PPP1R12B: variants seen among roughly 807,000 people sequenced by gnomAD.
PPP1R12B encodes the protein myosin phosphatase target subunit 2.
PPP1R12B carries 76 observed loss-of-function variants against 126.1 expected under a neutral mutation model. That is an observed-to-expected ratio of 0.60 (90% CI 0.50 to 0.73). The LOEUF is 0.73. Ranked by LOEUF, PPP1R12B falls within the 30% of genes least tolerant of loss-of-function variation. PPP1R12B has a pLI of 0.00. For missense variants in PPP1R12B, 1,052 were observed against 1,205.1 expected (o/e 0.87, Z 1.88); for synonymous variants, 356 against 434.7 (o/e 0.82, Z 2.25).
intron 20 of PPP1R12B, among the ~76,000 whole-genome samples, chr1:202,563,568 C>G (rs2149014897): frequency 7.2e-6 from 1 of 138,962 alleles, no homozygotes; most frequent in East Asian, 2.1e-4. Context: ...TTATTTTTAA[C>G]AAACATGTGC....
At chr1:202,411,278 A>G (rs1667348723) in intron 1 of PPP1R12B, among the ~76,000 whole-genome samples, 1 of 151,808 alleles carries the variant, frequency 6.6e-6, no homozygotes, top group South Asian at 2.1e-4. Context: ...GGCAAAAAAA[A>G]AAAAAAAAAA....
At position 202,588,889 on chromosome 1, in the gene PPP1R12B, T is replaced by C. The variant is rs1433459489; in HGVS notation, c.*8329T>C. On this transcript the variant is annotated 3_prime_UTR_variant, in exon 24 of 24. Transcript: ENST00000608999. Reference sequence around the variant, plus strand: ...TAGATAGATATCAAGGTTCCAAGCTTCAAGTAACCAAGAGTATATACGGTT... The same window carrying C: ...TAGATAGATATCAAGGTTCCAAGCTCCAAGTAACCAAGAGTATATACGGTT... 3 of 146,346 alleles carry C rather than the reference T, an allele frequency of 2.0e-5. No homozygotes were observed. Among genetic ancestry groups the C allele is most frequent in the Admixed American group, 6.8e-5 (1 of 14,692 alleles). The allele number at this position is 146,346 out of a possible 1,614,324, so 9.1% of individuals were successfully genotyped here. A position where few individuals can be genotyped will look rare whatever the true frequency, so the allele number is the denominator to read the frequency against.
At chr1:202,564,323 T>TC (rs1357699920) in intron 20 of PPP1R12B, 120 bp from the exon 21 acceptor site, 9 of 634,118 alleles carry the variant, frequency 1.4e-5, no homozygotes, top group Non-Finnish European at 2.1e-5. Context: ...TACCCTTCCT[T>TC]CATTTTCTCT....
At chr1:202,463,924 G>A (rs575292347) in intron 13 of PPP1R12B, among the ~76,000 whole-genome samples, 60 of 152,056 alleles carry the variant, frequency 3.9e-4, no homozygotes, top group African/African-American at 1.1e-3. Context: ...TGGTAATTGC[G>A]TCACTTTACT....
At chr1:202,422,801 A>T in intron 3 of PPP1R12B, 63 bp downstream of exon 3, 1 of 1,606,494 alleles carries the variant, frequency 6.2e-7, no homozygotes. Context: ...ACAGAAAATA[A>T]TCCATTTGCT....
chr1:202,524,112 A>G (rs1331383139), intron 18 of PPP1R12B, among the ~76,000 whole-genome samples: 2 of 152,236 alleles, frequency 1.3e-5, no homozygotes, highest in Non-Finnish European at 2.9e-5. Flanking sequence ...AATCCAGGCA[A>G]GAAATGATGA....
chr1:202,540,887 C>T (rs546104053), intron 18 of PPP1R12B, among the ~76,000 whole-genome samples: 1 of 152,302 alleles, frequency 6.6e-6, no homozygotes, highest in East Asian at 1.9e-4. Flanking sequence ...CATTGACAAC[C>T]AGCTGTATGG....
intron 13 of PPP1R12B, among the ~76,000 whole-genome samples, chr1:202,463,998 T>C (rs2148765693): frequency 6.6e-6 from 1 of 152,342 alleles, no homozygotes; most frequent in East Asian, 1.9e-4. Flanking sequence ...CCTTTGTCCA[T>C]GCGTGACCTT....
At chr1:202,430,904 T>G (rs1337754513) in intron 7 of PPP1R12B, 94 bp downstream of exon 7, 1 of 1,500,430 alleles carries the variant, frequency 6.7e-7, no homozygotes, top group East Asian at 2.4e-5. Context: ...AACTCTGTGT[T>G]TGTATTTAGC....
In PPP1R12B at chr1:202,422,723, C is replaced by G. The variant is rs890890926; in HGVS notation, c.526C>G (p.Gln176Glu). Reference sequence around the variant, plus strand: ...AGCCATGAAGGATCTTCTTCTGGAGCAAGTAAAGAAGCAAGGTAACCTCAT... The same window carrying G: ...AGCCATGAAGGATCTTCTTCTGGAGGAAGTAAAGAAGCAAGGTAACCTCAT... ...EPAMKDLLLE[Q>E]VKKQGVDLEQ... The change falls in exon 3 of 24, where the codon CAA (glutamine) becomes GAA (glutamate). Residue 176 changes from glutamine to glutamate, a missense_variant. Gln to Glu is a conservative substitution (Grantham distance 29). Transcript: ENST00000608999. 1 of 1,613,522 alleles carries G rather than the reference C, an allele frequency of 6.2e-7. No individual in the cohort carries two copies. The highest frequency in any genetic ancestry group is 8.5e-7 in the Non-Finnish European group (1 of 1,179,752).
At chr1:202,534,954 A>G (rs1227080433) in intron 18 of PPP1R12B, among the ~76,000 whole-genome samples, 1 of 152,202 alleles carries the variant, frequency 6.6e-6, no homozygotes. Flanking sequence ...TATTTTATAA[A>G]TGCACATGCA....
chr1:202,400,727 T>G (rs1665691564), intron 1 of PPP1R12B, among the ~76,000 whole-genome samples: 1 of 152,210 alleles, frequency 6.6e-6, no homozygotes, highest in African/African-American at 2.4e-5. Context: ...TATAAAGATA[T>G]GTAATCTTCA....
At position 202,564,519 on chromosome 1, in the gene PPP1R12B, T is replaced by C. The variant is rs1489312495; in HGVS notation, c.2729T>C (p.Ile910Thr). The C allele has an allele frequency of 3.1e-6, 5 of 1,612,086 alleles. No individual in the cohort carries two copies. The African/African-American group carries it at 5.3e-5, about 17-fold the overall frequency. Residue 910 changes from isoleucine to threonine, a missense_variant, in exon 21 of 24, where the codon ATA becomes ACA. Physicochemically the swap from Ile to Thr is moderately conservative, Grantham distance 89. Coordinates refer to ENST00000608999, the MANE Select transcript of PPP1R12B (RefSeq NM_002481.4). ...LQEAQLELADIKSKLEKVAQQ... is the reference protein window; with the variant it reads ...LQEAQLELADTKSKLEKVAQQ... Reference sequence around the variant, plus strand: ...GAAGCCCAGCTAGAGCTAGCAGATATAAAGTCCAAGCTTGAGAAGGTGGCC... The same window carrying C: ...GAAGCCCAGCTAGAGCTAGCAGATACAAAGTCCAAGCTTGAGAAGGTGGCC...
intron 18 of PPP1R12B, among the ~76,000 whole-genome samples, chr1:202,518,185 C>G (rs938133930): frequency 2.0e-5 from 3 of 152,130 alleles, no homozygotes; most frequent in African/African-American, 7.2e-5. Context: ...ATTGTTATCA[C>G]AAGGTATGTT....
At chr1:202,487,434 C>T (rs1219749546) in intron 13 of PPP1R12B, among the ~76,000 whole-genome samples, 1 of 152,128 alleles carries the variant, frequency 6.6e-6, no homozygotes, top group Non-Finnish European at 1.5e-5. Flanking sequence ...CACTGCTTTT[C>T]AGCATGTCCT....
intron 1 of PPP1R12B, among the ~76,000 whole-genome samples, chr1:202,355,892 T>C (rs1413567594): frequency 1.3e-5 from 2 of 152,162 alleles, no homozygotes; most frequent in South Asian, 2.1e-4. Flanking sequence ...TATAGGTGTT[T>C]AGCATGGTGG....
intron 1 of PPP1R12B, among the ~76,000 whole-genome samples, chr1:202,379,521 ACT>A (rs1298527231): frequency 1.3e-5 from 2 of 151,962 alleles, no homozygotes; most frequent in African/African-American, 2.4e-5. Flanking sequence ...ATGTCTCATA[ACT>A]CTGTCTTCTT....
intron 18 of PPP1R12B, among the ~76,000 whole-genome samples, chr1:202,549,322 ATATC>A (rs1327301554): frequency 6.6e-6 from 1 of 152,058 alleles, no homozygotes; most frequent in Non-Finnish European, 1.5e-5. Context: ...CTTGCCAAGA[ATATC>A]TAGTCAGTAT....
intron 7 of PPP1R12B, among the ~76,000 whole-genome samples, 177 bp from the exon 8 acceptor site, chr1:202,431,300 TGTC>T (rs1670156188): frequency 6.6e-6 from 1 of 152,236 alleles, no homozygotes; most frequent in African/African-American, 2.4e-5. Context: ...AGCCATACTC[TGTC>T]GTCAAATACT....
Sources: allele counts gnomAD v4.1 joint callset (sites outside exome capture counted in the v4.1 genomes callset), GRCh38; gene constraint gnomAD v4.1.1; transcripts MANE v1.5; gene names NCBI Gene and HGNC (gene_info 2026-07-23, HGNC 2026-07-21).